SNTG1: variants seen among roughly 807,000 people sequenced by gnomAD.
The protein encoded by SNTG1 is gamma-1-syntrophin.
SNTG1 carries 39 observed loss-of-function variants against 74.7 expected under a neutral mutation model. That is an observed-to-expected ratio of 0.52 (90% CI 0.40 to 0.68). SNTG1 has a LOEUF of 0.68. SNTG1 is among the 30% of genes least tolerant of loss of function. The pLI, the probability that SNTG1 is intolerant of heterozygous loss-of-function variation, is 0.00. For missense variants in SNTG1, 685 were observed against 609.5 expected, an observed-to-expected ratio of 1.12 and a Z score of -1.30; for synonymous variants, 254 against 217.1, an observed-to-expected ratio of 1.17 and a Z score of -1.49.
intron 1 of SNTG1, among the ~76,000 whole-genome samples, chr8:50,017,788 A>G (rs1297996967): frequency 6.6e-6 from 1 of 152,026 alleles, no homozygotes; most frequent in Non-Finnish European, 1.5e-5. Flanking sequence ...AAAGACAGAG[A>G]GAAAGACAGA....
At chr8:50,605,959 C>G (rs1305871645) in intron 13 of SNTG1, among the ~76,000 whole-genome samples, 1 of 152,116 alleles carries the variant, frequency 6.6e-6, no homozygotes, top group East Asian at 1.9e-4. Context: ...ATGTTTGCAT[C>G]CCTTTGGTGA....
At chr8:50,360,131 A>G (rs1445809229) in intron 2 of SNTG1, among the ~76,000 whole-genome samples, 1 of 152,134 alleles carries the variant, frequency 6.6e-6, no homozygotes. Flanking sequence ...ACACGAGATC[A>G]GATAGATCAT....
At chr8:50,376,756 T>TATATATATATAGAGAGAGAG (rs1381048539) in intron 2 of SNTG1, among the ~76,000 whole-genome samples, 73 of 89,930 alleles carry the variant, frequency 8.1e-4, no homozygotes, top group South Asian at 2.1e-3. Flanking sequence ...TATATATATA[T>TATATATATATAGAGAGAGAG]AGAGAGAGAG....
rs1218410839 is a variant in SNTG1, at chr8:50,780,324, C to T, written c.1396-12347C>T. 2.0e-5 allele frequency among the ~76,000 whole-genome samples: 3 copies of T among 152,002 alleles called. No individual in the cohort carries two copies. The East Asian group carries it at 5.8e-4, about 29-fold the overall frequency. ...TCTTGTAGAATTCGGCTGTGAATCC[C>T]TCTGGTCCTGGACTCTTTTTGGTTG... On this transcript the variant is annotated intron_variant, in intron 18 of 18. Transcript: ENST00000642720.
At chr8:50,538,819 A>G (rs2094326265) in intron 11 of SNTG1, among the ~76,000 whole-genome samples, 1 of 152,062 alleles carries the variant, frequency 6.6e-6, no homozygotes, top group African/African-American at 2.4e-5. Flanking sequence ...TGATGCAAAT[A>G]TTAACCCTTT....
At chr8:50,096,779 C>A (rs2079944267) in intron 1 of SNTG1, among the ~76,000 whole-genome samples, 1 of 151,988 alleles carries the variant, frequency 6.6e-6, no homozygotes, top group Admixed American at 6.6e-5. Flanking sequence ...GTAAGATTAT[C>A]CACAAAAGTT....
chr8:49,999,202 A>C (rs117084551), intron 1 of SNTG1, among the ~76,000 whole-genome samples: 1,569 of 152,232 alleles, frequency 0.01, 5 homozygotes, highest in Non-Finnish European at 0.015. Context: ...CTAATACTTG[A>C]TTTTTCCTCT....
intron 2 of SNTG1, among the ~76,000 whole-genome samples, chr8:50,309,964 T>G (rs2090043446): frequency 6.6e-6 from 1 of 152,134 alleles, no homozygotes; most frequent in Non-Finnish European, 1.5e-5. Flanking sequence ...ATATCAAAAG[T>G]AAAAAAATTC....
At chr8:50,022,104 G>A (rs1816876560) in intron 1 of SNTG1, among the ~76,000 whole-genome samples, 2 of 151,978 alleles carry the variant, frequency 1.3e-5, no homozygotes, top group Admixed American at 6.6e-5. Flanking sequence ...GAACACATTG[G>A]TATAGCAAGT....
At chr8:50,676,120 C>T (rs2095308718) in intron 15 of SNTG1, among the ~76,000 whole-genome samples, 1 of 151,902 alleles carries the variant, frequency 6.6e-6, no homozygotes, top group Admixed American at 6.6e-5. Flanking sequence ...TGGGGTATAT[C>T]TTCTCATAGA....
At chr8:50,039,454 C>CAAAAAAAAAA (rs568678808) in intron 1 of SNTG1, among the ~76,000 whole-genome samples, 3 of 46,152 alleles carry the variant, frequency 6.5e-5, no homozygotes, top group African/African-American at 2.6e-4. Context: ...GACTCCGTCT[C>CAAAAAAAAAA]AAAAAAAAAA....
At chr8:50,614,131 T>C (rs1413956335) in intron 13 of SNTG1, among the ~76,000 whole-genome samples, 2 of 152,160 alleles carry the variant, frequency 1.3e-5, no homozygotes, top group East Asian at 3.8e-4. Context: ...ATTTAGATAT[T>C]ATTTAATGAC....
chr8:50,512,785 C>T (rs2094093714), intron 9 of SNTG1, among the ~76,000 whole-genome samples: 1 of 152,164 alleles, frequency 6.6e-6, no homozygotes, highest in Admixed American at 6.5e-5. Flanking sequence ...TTAAGGACTG[C>T]TCTGCATTGG....
chr8:50,548,467 A>T (rs1322479164), intron 11 of SNTG1, among the ~76,000 whole-genome samples: 1 of 152,206 alleles, frequency 6.6e-6, no homozygotes, highest in East Asian at 1.9e-4. Context: ...ATAACATCAG[A>T]TCTCAAGTTA....
At chr8:50,187,401 A>C (rs988317866) in intron 2 of SNTG1, among the ~76,000 whole-genome samples, 6 of 152,178 alleles carry the variant, frequency 3.9e-5, no homozygotes, top group Non-Finnish European at 8.8e-5. Flanking sequence ...AACCTGACAA[A>C]AACGAGCTAT....
intron 1 of SNTG1, among the ~76,000 whole-genome samples, chr8:49,973,783 T>C (rs1811940585): frequency 6.6e-6 from 1 of 152,038 alleles, no homozygotes; most frequent in African/African-American, 2.4e-5. Context: ...TTGGAGAAAA[T>C]AAAAATGAAA....
intron 2 of SNTG1, among the ~76,000 whole-genome samples, chr8:50,185,777 T>A (rs1010936275): frequency 6.6e-6 from 1 of 152,182 alleles, no homozygotes; most frequent in South Asian, 2.1e-4. Flanking sequence ...AATTCATTTT[T>A]TTCTATATTA....
intron 2 of SNTG1, among the ~76,000 whole-genome samples, chr8:50,242,722 A>C (rs1003375178): frequency 4.0e-5 from 6 of 150,388 alleles, no homozygotes; most frequent in Non-Finnish European, 8.9e-5. Flanking sequence ...TCACGTATGT[A>C]TTATGATATT....
At chr8:50,193,856 T>G (rs187859777) in intron 2 of SNTG1, among the ~76,000 whole-genome samples, 66 of 152,196 alleles carry the variant, frequency 4.3e-4, no homozygotes, top group Admixed American at 3.4e-3. Context: ...TGTATGCTGA[T>G]TTTGCTGAGA....
Sources: allele counts gnomAD v4.1 joint callset (sites outside exome capture counted in the v4.1 genomes callset), GRCh38; gene constraint gnomAD v4.1.1; transcripts MANE v1.5; gene names NCBI Gene and HGNC (gene_info 2026-07-23, HGNC 2026-07-21).